The following PGAP2 variants were observed in gnomAD, a reference collection of about 807,000 sequenced individuals.
PGAP2 encodes post-GPI attachment to proteins 2.
In PGAP2, 21 loss-of-function variants were observed where a neutral mutation model predicts 33.2. The observed-to-expected ratio is 0.63, with a 90% CI of 0.45 to 0.91. PGAP2 has a LOEUF of 0.91. Ranked by LOEUF, PGAP2 falls within the 40% of genes least tolerant of loss-of-function variation. PGAP2 has a pLI of 0.00. For missense variants in PGAP2, 345 were observed against 424.0 expected (o/e 0.81, Z 1.64); for synonymous variants, 161 against 172.9 (o/e 0.93, Z 0.54).
In PGAP2 at chr11:3,808,601, G is replaced by C. The variant is rs2084906053; in HGVS notation, c.-61G>C. ...GCCCGCAGAGCCAGCCCCCGACCCC[G>C]GGCCACCTGGGCCCCCGGGTTCCGC... On this transcript the variant is annotated 5_prime_UTR_variant, in exon 1 of 7. Transcript: ENST00000278243. The C allele has an allele frequency of 1.5e-6, 2 of 1,333,150 alleles. No homozygotes were observed. The highest frequency in any genetic ancestry group is 2.9e-4 in the Middle Eastern group (1 of 3,396). The allele number at this position is 1,333,150 out of a possible 1,614,324, so 82.6% of individuals were successfully genotyped here. A position where few individuals can be genotyped will look rare whatever the true frequency, so the allele number is the denominator to read the frequency against.
chr11:3,811,114 G>A lies in PGAP2; in HGVS notation c.-10-136G>A, dbSNP rs546934937. The stretch of plus-strand genomic sequence containing the variant: ...CTCATCCAGGGCAAGAGCTATCCAA[G>A]TTTAGGTGCCTTCCTCCTCAGACTC... On this transcript the variant is annotated intron_variant, in intron 1 of 6. Coordinates refer to ENST00000278243, the MANE Select transcript of PGAP2 (RefSeq NM_014489.4). This position sits in a 1 kb window ranked among gnomAD's most constrained non-coding sequence, Gnocchi z 4.6. 5.9e-6 allele frequency: 4 copies of A among 679,090 alleles called. No individual in the cohort carries two copies. Among genetic ancestry groups the A allele is most frequent in the Admixed American group, 5.7e-5 (2 of 35,200 alleles). The allele number at this position is 679,090 out of a possible 1,614,324, so 42.1% of individuals were successfully genotyped here. A position where few individuals can be genotyped will look rare whatever the true frequency, so the allele number is the denominator to read the frequency against.
Position 3,808,621 on chromosome 11 carries a change from T to C in PGAP2, c.-41T>C, listed in dbSNP as rs1367127094. ...ACCCCGGGCCACCTGGGCCCCCGGG[T>C]TCCGCCGGCACTCTCGCCACCACCG... On this transcript the variant is annotated 5_prime_UTR_variant, in exon 1 of 7. Coordinates refer to ENST00000278243, the MANE Select transcript of PGAP2 (RefSeq NM_014489.4). The C allele has an allele frequency of 7.7e-7, 1 of 1,293,524 alleles. No individual in the cohort carries two copies. The highest frequency in any genetic ancestry group is 1.6e-5 in the African/African-American group (1 of 64,004). The allele number at this position is 1,293,524 out of a possible 1,614,324, so 80.1% of individuals were successfully genotyped here.
In PGAP2 at chr11:3,800,587, G is replaced by A. The variant is rs532732323; in HGVS notation, c.139+2605G>A. 9.2e-5 allele frequency among the ~76,000 whole-genome samples: 14 copies of A among 152,080 alleles called. No homozygotes were observed. The East Asian group carries it at 2.5e-3, about 27-fold the overall frequency. On this transcript the variant is annotated intron_variant, in intron 1 of 6. Coordinates refer to the PGAP2 transcript ENST00000300730. The stretch of plus-strand genomic sequence containing the variant: ...AGCACTTTGGGAGGCCGAGGTGGGC[G>A]GATCACGAGGTCAGGAGATCGAGAC...
intron 3 of PGAP2, among the ~76,000 whole-genome samples, chr11:3,822,517 C>G (rs2089040644): frequency 6.6e-6 from 1 of 151,902 alleles, no homozygotes; most frequent in Non-Finnish European, 1.5e-5. Context: ...CAAAAATTAG[C>G]CTGCTACTCA....
At chr11:3,812,789 A>C (rs545004075) in intron 2 of PGAP2, among the ~76,000 whole-genome samples, 14 of 152,266 alleles carry the variant, frequency 9.2e-5, no homozygotes, top group African/African-American at 2.9e-4. Flanking sequence ...TCTTTACTTC[A>C]TGTGACTGGA....
chr11:3,814,936 CTTTCT>C (rs752150589), intron 2 of PGAP2, among the ~76,000 whole-genome samples: 95 of 140,000 alleles, frequency 6.8e-4, no homozygotes, highest in Middle Eastern at 4.0e-3. Context: ...CTTTCCTTTC[CTTTCT>C]TTTCTTTTCT....
At chr11:3,802,076 C>CTT (rs3061897) in intron 1 of PGAP2, among the ~76,000 whole-genome samples, 2,328 of 137,062 alleles carry the variant, frequency 0.017, 67 homozygotes, top group Admixed American at 0.054. Context: ...TTTCCTTTTC[C>CTT]TTTTTTTTTT....
chr11:3,806,042 C>T (rs887072845), upstream of PGAP2, among the ~76,000 whole-genome samples: 5 of 152,062 alleles, frequency 3.3e-5, no homozygotes, highest in Non-Finnish European at 7.4e-5. Context: ...AACAGAGGCT[C>T]AGGGCTATAT....
At chr11:3,801,222 G>A (rs2083395318) in intron 1 of PGAP2, among the ~76,000 whole-genome samples, 1 of 152,060 alleles carries the variant, frequency 6.6e-6, no homozygotes. Flanking sequence ...TGTATAAAAT[G>A]GGGATAACAA....
At chr11:3,812,013 G>T (rs1016512972) in intron 2 of PGAP2, among the ~76,000 whole-genome samples, 1 of 152,108 alleles carries the variant, frequency 6.6e-6, no homozygotes, top group Non-Finnish European at 1.5e-5. Context: ...GTGCCTGTCT[G>T]TATGGAGATC....
rs2135049850 is a variant in PGAP2 at position 3,824,209 on chromosome 11, C to T, written c.602-61C>T. On this transcript the variant is annotated intron_variant, in intron 4 of 6. Coordinates refer to ENST00000278243, the MANE Select transcript of PGAP2 (RefSeq NM_014489.4). ...GGGCCTGCCCCTACCACATTCGGAC[C>T]TTCCTACTTCGTGGTGTGGGCACTC... The T allele has an allele frequency of 3.1e-6, 5 of 1,612,116 alleles. No individual in the cohort carries two copies. The South Asian group carries it at 5.5e-5, about 18-fold the overall frequency.
At chr11:3,803,271 GC>G (rs1436734800) in intron 1 of PGAP2, among the ~76,000 whole-genome samples, 1 of 150,508 alleles carries the variant, frequency 6.6e-6, no homozygotes, top group Non-Finnish European at 1.5e-5. Context: ...GGGATTACAG[GC>G]GTGAGCCACC....
At chr11:3,814,450 T>G (rs1238622413) in intron 2 of PGAP2, among the ~76,000 whole-genome samples, 2 of 152,106 alleles carry the variant, frequency 1.3e-5, no homozygotes, top group Admixed American at 6.5e-5. Flanking sequence ...ATTGACGGGG[T>G]TTCGTCATGT....
rs2085517187 is a variant in PGAP2, at chr11:3,811,327, C to T, written c.68C>T (p.Ala23Val). Reference sequence around the variant, plus strand: ...GTACGGCTCCGCTTCACCATGGTGGCCCTGGTCACGGTCTGCTGTCCACTT... The same window carrying T: ...GTACGGCTCCGCTTCACCATGGTGGTCCTGGTCACGGTCTGCTGTCCACTT... ...TLVRLRFTMVALVTVCCPLVA... is the reference protein window; with the variant it reads ...TLVRLRFTMVVLVTVCCPLVA... Residue 23 changes from alanine (A) to valine (V), a missense_variant, in exon 2 of 7, where the codon GCC becomes GTC. Ala to Val is a moderately conservative substitution (Grantham distance 64). Transcript: ENST00000278243. This position sits in a 1 kb window ranked among gnomAD's most constrained non-coding sequence, Gnocchi z 4.6. The T allele has an allele frequency of 6.2e-7, 1 of 1,613,992 alleles. No homozygotes were observed. Among genetic ancestry groups the T allele is most frequent in the Non-Finnish European group, 8.5e-7 (1 of 1,179,980 alleles).
upstream of PGAP2, chr11:3,797,812 G>A: frequency 6.5e-7 from 1 of 1,547,046 alleles, no homozygotes; most frequent in Non-Finnish European, 8.7e-7. Flanking sequence ...GTGTCGTGAC[G>A]TCACACAGGG....
chr11:3,805,121 A>G (rs564217026), upstream of PGAP2, among the ~76,000 whole-genome samples: 17 of 152,350 alleles, frequency 1.1e-4, no homozygotes, highest in African/African-American at 3.8e-4. Flanking sequence ...AGGTCAGACA[A>G]TACAAAAAAA....
rs2135105326 is a variant in PGAP2 at position 3,825,615 on chromosome 11, G to A, written c.*157G>A. The A allele has an allele frequency of 8.3e-6, 6 of 720,718 alleles. No homozygotes were observed. In the South Asian group the frequency reaches 9.8e-5, roughly 12 times the overall value. The allele number at this position is 720,718 out of a possible 1,614,324, so 44.6% of individuals were successfully genotyped here. A position where few individuals can be genotyped will look rare whatever the true frequency, so the allele number is the denominator to read the frequency against. ...GTAGGCCAAGGCTCACCCCAGTGCT[G>A]CTGGCTTCTCCTCTCCACCCCTCAT... is the stretch of plus-strand genomic sequence containing the variant. On this transcript the variant is annotated 3_prime_UTR_variant, in exon 7 of 7. Coordinates refer to ENST00000278243, the MANE Select transcript of PGAP2 (RefSeq NM_014489.4).
Position 3,823,971 on chromosome 11 carries a change from C to G in PGAP2, c.437C>G (p.Ser146Trp), listed in dbSNP as rs752467302. 6.2e-7 allele frequency: 1 copy of G among 1,612,156 alleles called. No homozygotes were observed. The highest frequency in any genetic ancestry group is 8.5e-7 in the Non-Finnish European group (1 of 1,179,992). Reference protein sequence around the residue: ...YVWRFCIGLHSAPRFLVAFAY... With the variant: ...YVWRFCIGLHWAPRFLVAFAY... ...TGGCGTTTCTGCATCGGCCTGCACT[C>G]GGCGCCTCGCTTCTTGGTGGCCTTC... The change falls in exon 4 of 7, where the codon TCG becomes TGG. Residue 146 changes from serine (S) to tryptophan (W), a missense_variant. By Grantham distance (177) the Ser-to-Trp change is radical. Around this residue, in one of 2 missense-constraint regions of PGAP2, gnomAD observed 311 missense variants for 353.6 expected, o/e 0.88. Coordinates refer to ENST00000278243, the MANE Select transcript of PGAP2 (RefSeq NM_014489.4).
intron 3 of PGAP2, among the ~76,000 whole-genome samples, chr11:3,820,911 A>C (rs1218586947): frequency 6.6e-6 from 1 of 152,230 alleles, no homozygotes; most frequent in Non-Finnish European, 1.5e-5. Flanking sequence ...ATTGGAGCTC[A>C]GAGAGGTGAA....
Sources: allele counts gnomAD v4.1 joint callset (sites outside exome capture counted in the v4.1 genomes callset), GRCh38; gene constraint gnomAD v4.1.1; regional missense constraint gnomAD v4.1.1; non-coding constraint Gnocchi (gnomAD v3.1); transcripts MANE v1.5; gene names NCBI Gene and HGNC (gene_info 2026-07-23, HGNC 2026-07-21).